The following FANK1 variants were observed in gnomAD, a reference collection of about 807,000 sequenced individuals.
FANK1 encodes fibronectin type III and ankyrin repeat domains 1.
In FANK1, 44 loss-of-function variants were observed where a neutral mutation model predicts 45.3. That is an observed-to-expected ratio of 0.97 (90% confidence interval 0.76 to 1.25). The LOEUF (loss-of-function observed/expected upper bound fraction) is 1.25. FANK1 is among the 50% of genes most tolerant of loss of function. The probability of loss-of-function intolerance (pLI) is 0.00; values close to 1 mark genes in which losing one functional copy is unlikely to be tolerated. For synonymous variants in FANK1, 149 were observed against 152.5 expected, an observed-to-expected ratio of 0.98 and a Z score of 0.17; for missense variants, 391 against 424.4, an observed-to-expected ratio of 0.92 and a Z score of 0.69.
At position 125,948,440 on chromosome 10, in the gene FANK1, G is replaced by A. The variant is rs565911640; in HGVS notation, c.14-31721G>A. Among the ~76,000 whole-genome samples, 595 of 152,176 alleles carry A rather than the reference G, an allele frequency of 3.9e-3. 3 individuals carry two copies. The highest frequency in any genetic ancestry group is 0.012 in the African/African-American group (479 of 41,510). On this transcript the variant is annotated intron_variant, in intron 1 of 10. Coordinates refer to ENST00000368693, the MANE Select transcript of FANK1 (RefSeq NM_145235.5). ...AAATAATAAAGGGGATATCACCACC[G>A]ATCCCACAGAAATACAAACTACCAT...
chr10:125,938,328 T>C (rs1948232704), intron 1 of FANK1, among the ~76,000 whole-genome samples: 1 of 152,120 alleles, frequency 6.6e-6, no homozygotes, highest in African/African-American at 2.4e-5. Context: ...CTGAAAAGTC[T>C]AGAAACAATG....
At chr10:125,989,564 T>A in intron 3 of FANK1, 1 of 710,066 alleles carries the variant, frequency 1.4e-6, no homozygotes. Flanking sequence ...CTGTGGTACC[T>A]TCAGTTGCAG....
At chr10:125,903,237 G>A (rs1945194623) in intron 1 of FANK1, among the ~76,000 whole-genome samples, 1 of 152,284 alleles carries the variant, frequency 6.6e-6, no homozygotes, top group African/African-American at 2.4e-5. Context: ...GGAGGGGTTT[G>A]TGCATACCAG....
In FANK1 at chr10:125,959,413, C is replaced by CAAAAAAA. The variant is rs767754151; in HGVS notation, c.14-20734_14-20728dup. On this transcript the variant is annotated intron_variant, in intron 1 of 10. Transcript: ENST00000368693. Reference sequence around the variant, plus strand: ...TGAGTGACAGAATGAGACTCTGTCTCAAAAAAAAAAAAAAAAAAAAGATAC... The same window carrying CAAAAAAA: ...TGAGTGACAGAATGAGACTCTGTCTCAAAAAAAAAAAAAAAAAAAAAAAAAAAGATAC... 3.3e-3 allele frequency among the ~76,000 whole-genome samples: 249 copies of CAAAAAAA among 74,546 alleles called. 5 individuals are homozygous for CAAAAAAA. Among genetic ancestry groups the CAAAAAAA allele is most frequent in the South Asian group, 5.8e-3 (9 of 1,540 alleles). 48.9% of individuals were successfully genotyped at this position (74,546 alleles called of 152,430 possible).
At chr10:125,956,338 A>G (rs1412669643) in intron 1 of FANK1, among the ~76,000 whole-genome samples, 1 of 152,182 alleles carries the variant, frequency 6.6e-6, no homozygotes, top group Non-Finnish European at 1.5e-5. Flanking sequence ...TGTCTTAAAG[A>G]TTGTACAGAA....
chr10:125,962,276 C>T (rs188962995), intron 1 of FANK1, among the ~76,000 whole-genome samples: 56 of 152,290 alleles, frequency 3.7e-4, no homozygotes, highest in African/African-American at 1.3e-3. Flanking sequence ...AGATTTTCCA[C>T]TGAATCCTAG....
intron 1 of FANK1, among the ~76,000 whole-genome samples, chr10:125,954,428 CA>C (rs1455667064): frequency 6.6e-6 from 1 of 152,168 alleles, no homozygotes; most frequent in Non-Finnish European, 1.5e-5. Context: ...TCTGACCCAT[CA>C]TCAGTGCTCA....
intron 3 of FANK1, among the ~76,000 whole-genome samples, chr10:125,990,573 G>T (rs1454709130): frequency 6.6e-6 from 1 of 152,132 alleles, no homozygotes; most frequent in African/African-American, 2.4e-5. Context: ...GGGTGAATAT[G>T]GTTGGTTCTG....
At chr10:125,932,467 T>C (rs1426030357) in intron 1 of FANK1, among the ~76,000 whole-genome samples, 1 of 152,174 alleles carries the variant, frequency 6.6e-6, no homozygotes, top group Non-Finnish European at 1.5e-5. Flanking sequence ...GCAGCTGTTG[T>C]AAAAGGGGGT....
At chr10:125,945,424 C>T (rs1948718470) in intron 1 of FANK1, among the ~76,000 whole-genome samples, 2 of 152,232 alleles carry the variant, frequency 1.3e-5, no homozygotes, top group Admixed American at 1.3e-4. Flanking sequence ...CAGGGCGAGG[C>T]ATTGCCTCAC....
In FANK1 at chr10:125,999,135, C is replaced by T. The variant is rs150424240; in HGVS notation, c.539+1650C>T. ...TCCATCAGTCGATTAAAGGTGAAAACCTTTATTTGTGTAGATGCAAAACAA... is the reference window on the plus strand; with the variant it reads ...TCCATCAGTCGATTAAAGGTGAAAATCTTTATTTGTGTAGATGCAAAACAA... On this transcript the variant is annotated intron_variant, in intron 6 of 10. Transcript: ENST00000368693. 3.3e-5 allele frequency among the ~76,000 whole-genome samples: 5 copies of T among 151,956 alleles called. No individual in the cohort carries two copies. The East Asian group carries it at 7.7e-4, about 23-fold the overall frequency.
chr10:125,982,245 G>T (rs550738922), intron 2 of FANK1, among the ~76,000 whole-genome samples: 1 of 152,270 alleles, frequency 6.6e-6, no homozygotes, highest in Non-Finnish European at 1.5e-5. Context: ...TTCCTTGGCT[G>T]TGCCTTTGCT....
At chr10:125,901,058 T>C (rs572216890) in intron 1 of FANK1, among the ~76,000 whole-genome samples, 5 of 152,114 alleles carry the variant, frequency 3.3e-5, no homozygotes, top group Non-Finnish European at 5.9e-5. Flanking sequence ...TCCTTCCCCA[T>C]TGGCCTCCCG....
intron 2 of FANK1, among the ~76,000 whole-genome samples, chr10:125,981,866 T>G (rs1951242810): frequency 6.6e-6 from 1 of 152,228 alleles, no homozygotes; most frequent in South Asian, 2.1e-4. Context: ...AGTGCTGACA[T>G]GAGAAGATAG....
At chr10:126,001,822 G>A (rs1164267391) in intron 6 of FANK1, among the ~76,000 whole-genome samples, 1 of 151,816 alleles carries the variant, frequency 6.6e-6, no homozygotes, top group East Asian at 1.9e-4. Flanking sequence ...GCAATCCAGA[G>A]CCTCCGGGGC....
At chr10:125,932,489 T>C (rs1947816269) in intron 1 of FANK1, among the ~76,000 whole-genome samples, 1 of 152,190 alleles carries the variant, frequency 6.6e-6, no homozygotes, top group Non-Finnish European at 1.5e-5. Flanking sequence ...AGTTCTTGAT[T>C]TGATTCTCCC....
rs544925806 is a variant in FANK1 at position 125,922,903 on chromosome 10, T to G, written c.13+26248T>G. On this transcript the variant is annotated intron_variant, in intron 1 of 10. Coordinates refer to ENST00000368693, the MANE Select transcript of FANK1 (RefSeq NM_145235.5). ...GCACTTGCCTTGTTGGGTTTTGATA[T>G]CAAGGTTATTTTTATTTTAACCTTA... is the stretch of plus-strand genomic sequence containing the variant. Among the ~76,000 whole-genome samples, 758 of 152,310 alleles carry G rather than the reference T, an allele frequency of 5.0e-3. 1 individual carries two copies. Among genetic ancestry groups the G allele is most frequent in the African/African-American group, 0.018 (736 of 41,574 alleles).
intron 1 of FANK1, among the ~76,000 whole-genome samples, chr10:125,913,058 G>A (rs1946154518): frequency 1.3e-5 from 2 of 152,156 alleles, no homozygotes; most frequent in Admixed American, 6.5e-5. Flanking sequence ...TTGACTGTGA[G>A]CCCACAAAAC....
At chr10:125,989,070 AC>A (rs1205771335) in intron 3 of FANK1, among the ~76,000 whole-genome samples, 1 of 152,004 alleles carries the variant, frequency 6.6e-6, no homozygotes, top group Non-Finnish European at 1.5e-5. Context: ...ATTTTAGACA[AC>A]CCCAGGGTGT....
Sources: gnomAD v4.1 joint callset for allele counts (sites outside exome capture counted in the v4.1 genomes callset) on GRCh38, gnomAD v4.1.1 for gene constraint, MANE v1.5 for transcripts, NCBI Gene and HGNC (gene_info 2026-07-23, HGNC 2026-07-21) for gene names.